Variants in FHIT observed in about 807,000 individuals in gnomAD.
The protein encoded by FHIT is bis(5'-adenosyl)-triphosphatase.
A neutral mutation model predicts 17.9 loss-of-function variants in FHIT; 19 were observed. The ratio of observed to expected loss-of-function variants is 1.06; its 90% CI spans 0.74 to 1.56. The LOEUF is 1.56. Ranked by LOEUF, FHIT falls within the 40% of genes most tolerant of loss-of-function variation. The pLI is 0.00. For missense variants in FHIT, 248 were observed against 189.2 expected (o/e 1.31, Z -1.82); for synonymous variants, 81 against 69.7 (o/e 1.16, Z -0.81).
chr3:60,972,059 T>A (rs1252685125), intron 3 of FHIT, among the ~76,000 whole-genome samples: 1 of 152,224 alleles, frequency 6.6e-6, no homozygotes, highest in Non-Finnish European at 1.5e-5. Flanking sequence ...CTGCAGTTAC[T>A]GTCAATGAGT....
At chr3:61,110,938 C>G (rs938872106) in intron 2 of FHIT, among the ~76,000 whole-genome samples, 2 of 152,124 alleles carry the variant, frequency 1.3e-5, no homozygotes, top group Non-Finnish European at 2.9e-5. Context: ...TTCTTAAGTT[C>G]TTGCTAGGAA....
intron 5 of FHIT, among the ~76,000 whole-genome samples, chr3:60,316,533 C>T (rs561861120): frequency 6.0e-4 from 92 of 152,294 alleles, no homozygotes; most frequent in Non-Finnish European, 1.2e-3. Flanking sequence ...GCAGCAAGCA[C>T]TATTTCTCAA....
At chr3:60,876,877 A>G (rs1704686266) in intron 3 of FHIT, among the ~76,000 whole-genome samples, 1 of 152,146 alleles carries the variant, frequency 6.6e-6, no homozygotes, top group Non-Finnish European at 1.5e-5. Flanking sequence ...GAGCACAGAA[A>G]CTCAGGACAG....
chr3:60,156,935 TTATATATTAAA>T (rs1700724561), intron 5 of FHIT, among the ~76,000 whole-genome samples: 2 of 152,164 alleles, frequency 1.3e-5, no homozygotes, highest in Middle Eastern at 3.5e-3. Flanking sequence ...CCATATGTAG[TTATATATTAAA>T]TATATATAAA....
chr3:59,844,554 C>T (rs1020839399), intron 8 of FHIT, among the ~76,000 whole-genome samples: 1 of 152,018 alleles, frequency 6.6e-6, no homozygotes, highest in Non-Finnish European at 1.5e-5. Flanking sequence ...GTGGCAGATG[C>T]TCTTTCTGCA....
rs541838763 is a variant in FHIT at position 60,387,362 on chromosome 3, C to A, written c.103+149498G>T. Among the ~76,000 whole-genome samples, 21 of 152,228 alleles carry A rather than the reference C, an allele frequency of 1.4e-4. 1 individual carries two copies. The South Asian group carries it at 3.3e-3, about 24-fold the overall frequency. On this transcript the variant is annotated intron_variant, in intron 5 of 9. Transcript: ENST00000492590. ...GGCAGGGACCATGCTTTGTTCACCT[C>A]TGTTTCTATTATACTTCCTAAGGAA...
chr3:60,457,069 G>T (rs1300000998), intron 5 of FHIT, among the ~76,000 whole-genome samples: 1 of 152,074 alleles, frequency 6.6e-6, no homozygotes, highest in Non-Finnish European at 1.5e-5. Context: ...TCACAGAATT[G>T]GAAAAAACTA....
At chr3:60,468,113 G>A (rs1414402460) in intron 5 of FHIT, among the ~76,000 whole-genome samples, 1 of 151,916 alleles carries the variant, frequency 6.6e-6, no homozygotes, top group East Asian at 1.9e-4. Flanking sequence ...AGCTCCTCCT[G>A]CTCTTTTTGG....
intron 4 of FHIT, among the ~76,000 whole-genome samples, chr3:60,538,002 G>A (rs1046812388): frequency 4.6e-5 from 7 of 151,974 alleles, no homozygotes; most frequent in South Asian, 4.1e-4. Context: ...TTCCTGGCAC[G>A]CAACTCCTAA....
intron 5 of FHIT, among the ~76,000 whole-genome samples, chr3:60,246,656 C>G (rs1248131959): frequency 6.6e-6 from 1 of 152,118 alleles, no homozygotes; most frequent in African/African-American, 2.4e-5. Flanking sequence ...GAGTGGAGCT[C>G]AAGCTCTGTA....
intron 5 of FHIT, among the ~76,000 whole-genome samples, chr3:60,352,406 A>G (rs115227607): frequency 0.016 from 2,444 of 152,350 alleles, 26 homozygotes; most frequent in Non-Finnish European, 0.024. Context: ...CACTATACCC[A>G]GATGTCAAAT....
At chr3:61,183,984 T>G (rs1023004581) in intron 2 of FHIT, among the ~76,000 whole-genome samples, 2 of 152,098 alleles carry the variant, frequency 1.3e-5, no homozygotes, top group African/African-American at 4.8e-5. Flanking sequence ...TTTTTACTTC[T>G]TTCTCAGTCT....
chr3:60,035,707 TC>T (rs1334491896), intron 5 of FHIT, among the ~76,000 whole-genome samples: 1 of 152,192 alleles, frequency 6.6e-6, no homozygotes, highest in Non-Finnish European at 1.5e-5. Context: ...CTAGGATGGG[TC>T]CCAACTGTCC....
intron 6 of FHIT, among the ~76,000 whole-genome samples, chr3:60,013,794 C>T (rs575136621): frequency 9.2e-5 from 14 of 152,190 alleles, no homozygotes; most frequent in Non-Finnish European, 1.3e-4. Flanking sequence ...GCTTGGTAAA[C>T]AAGCCTCAGA....
chr3:60,024,566 T>G (rs1700667507), intron 5 of FHIT, among the ~76,000 whole-genome samples: 1 of 152,222 alleles, frequency 6.6e-6, no homozygotes, highest in South Asian at 2.1e-4. Flanking sequence ...ACACTGAGGA[T>G]ACAGCACAAC....
chr3:60,851,758 G>C (rs1412340816), intron 3 of FHIT, among the ~76,000 whole-genome samples: 1 of 151,928 alleles, frequency 6.6e-6, no homozygotes, highest in African/African-American at 2.4e-5. Context: ...TTATATTCAG[G>C]GAAGTTCCCT....
At chr3:60,844,481 G>T (rs1575590930) in intron 3 of FHIT, among the ~76,000 whole-genome samples, 1 of 152,094 alleles carries the variant, frequency 6.6e-6, no homozygotes, top group Non-Finnish European at 1.5e-5. Flanking sequence ...GACTTCCCCA[G>T]AATGTGATTC....
At chr3:59,908,740 G>A (rs1282535414) in intron 8 of FHIT, among the ~76,000 whole-genome samples, 1 of 151,912 alleles carries the variant, frequency 6.6e-6, no homozygotes, top group Non-Finnish European at 1.5e-5. Context: ...TGAACTGACA[G>A]AAACGGCACT....
chr3:61,251,089 G>T (rs1332488851), intron 1 of FHIT, among the ~76,000 whole-genome samples: 2 of 152,200 alleles, frequency 1.3e-5, no homozygotes, highest in Non-Finnish European at 2.9e-5. Context: ...AGGAGGAACG[G>T]GTTAGGGCTA....
Sources: gnomAD v4.1 joint callset for allele counts (sites outside exome capture counted in the v4.1 genomes callset) on GRCh38, gnomAD v4.1.1 for gene constraint, MANE v1.5 for transcripts, NCBI Gene and HGNC (gene_info 2026-07-23, HGNC 2026-07-21) for gene names.